Variants in SYNE1 observed in about 807,000 individuals in gnomAD.
SYNE1 encodes the protein nesprin-1.
Under a neutral mutation model 1,111.0 loss-of-function variants are expected in SYNE1, and 616 were observed. The ratio of observed to expected loss-of-function variants is 0.55; its 90% CI spans 0.52 to 0.59. The LOEUF (loss-of-function observed/expected upper bound fraction) is 0.59. SYNE1 is among the 20% of genes least tolerant of loss of function. SYNE1 has a pLI of 0.00. For missense variants in SYNE1, 10,006 were observed against 10,417.0 expected, an observed-to-expected ratio of 0.96 and a Z score of 1.72; for synonymous variants, 3,855 against 3,825.8, an observed-to-expected ratio of 1.01 and a Z score of -0.28.
intron 101 of SYNE1, among the ~76,000 whole-genome samples, chr6:152,257,405 C>T (rs766585841): frequency 4.7e-4 from 71 of 152,116 alleles, no homozygotes; most frequent in Non-Finnish European, 8.4e-4. Context: ...TGGTGGCATA[C>T]GCCTATAATC....
chr6:152,207,152 A>T (rs1236896340), intron 125 of SYNE1, among the ~76,000 whole-genome samples: 2 of 152,152 alleles, frequency 1.3e-5, no homozygotes, highest in Non-Finnish European at 2.9e-5. Flanking sequence ...GGGATGATAG[A>T]CAAGGAGAAG....
rs2083380560 is a variant in SYNE1, at chr6:152,233,949, T to C, written c.20544A>G (p.Glu6848=). The part of the protein sequence containing the change: ...HLNAFLEFSK[E]VDAQSSLKSS... ...ATTTCAGGGAAGATTGGGCATCCAC[T>C]TCTTTAGAAAACTCCTGAAACAAGT... Residue 6848 remains glutamate, a synonymous_variant, in exon 112 of 146, where the codon GAA becomes GAG. Transcript: ENST00000367255. 6.2e-7 allele frequency: 1 copy of C among 1,614,172 alleles called. No individual in the cohort carries two copies. Among genetic ancestry groups the C allele is most frequent in the Non-Finnish European group, 8.5e-7 (1 of 1,180,034 alleles).
intron 3 of SYNE1, among the ~76,000 whole-genome samples, chr6:152,596,098 TAAAAAAAAAAAAAA>T (rs71017542): frequency 5.4e-5 from 1 of 18,590 alleles, no homozygotes; most frequent in Non-Finnish European, 1.0e-4. Flanking sequence ...AAGGGCAATC[TAAAAAAAAAAAAAA>T]AAAAAAAAAA....
Position 152,390,338 on chromosome 6 carries a change from A to G in SYNE1, c.8119T>C (p.Leu2707=), listed in dbSNP as rs781732368. 1.2e-6 allele frequency: 2 copies of G among 1,614,096 alleles called. No homozygotes were observed. Among genetic ancestry groups the G allele is most frequent in the South Asian group, 1.1e-5 (1 of 91,076 alleles). ...GCCCACACTTCTTTAAGGGTCTCTA[A>G]CTGAGTCTGAATCACCCTCTGACCT... ...KEGQRVIQTQ[L]ETLKEVWADI... Residue 2707 remains leucine, a synonymous_variant, in exon 53 of 146, where the codon TTA becomes CTA. Coordinates refer to ENST00000367255, the MANE Select transcript of SYNE1 (RefSeq NM_182961.4).
At position 152,143,663 on chromosome 6, in the gene SYNE1, G is replaced by C. The variant is rs1167713521; in HGVS notation, c.25079C>G (p.Thr8360Ser). 1 of 1,614,092 alleles carries C rather than the reference G, an allele frequency of 6.2e-7. No individual in the cohort carries two copies. Among genetic ancestry groups the C allele is most frequent in the African/African-American group, 1.3e-5 (1 of 74,928 alleles). ...GGTGTCTAGCTCCGGCCCCGTGGGA[G>C]TTTTGCTGCGAATGATATTTTCGGT... is the stretch of plus-strand genomic sequence containing the variant. ...QQTENIIRSK[T>S]PTGPELDTSY... Residue 8360 changes from threonine to serine, a missense_variant, in exon 138 of 146, where the codon ACT (threonine) becomes AGT (serine). Around this residue, in one of 7 missense-constraint regions of SYNE1, gnomAD observed 761 missense variants for 795.5 expected, o/e 0.96. Coordinates refer to ENST00000367255, the MANE Select transcript of SYNE1 (RefSeq NM_182961.4).
chr6:152,239,466 T>G (rs2085032046), intron 108 of SYNE1, 67 bp downstream of exon 108: 2 of 1,593,440 alleles, frequency 1.3e-6, no homozygotes, highest in Admixed American at 1.7e-5. Flanking sequence ...TAGATACATC[T>G]TGCATTAAAG....
At chr6:152,592,951 C>T (rs896162998) in intron 3 of SYNE1, among the ~76,000 whole-genome samples, 2 of 152,100 alleles carry the variant, frequency 1.3e-5, no homozygotes, top group African/African-American at 4.8e-5. Flanking sequence ...TGGGGCAGTT[C>T]CCACCTGAGC....
chr6:152,461,099 C>T (rs2098731457), intron 21 of SYNE1, among the ~76,000 whole-genome samples: 1 of 152,168 alleles, frequency 6.6e-6, no homozygotes, highest in African/African-American at 2.4e-5. Context: ...GCGTGAGCCA[C>T]TGCACCTGGC....
At chr6:152,139,916 T>C (rs780668219) in intron 140 of SYNE1, 34 bp downstream of exon 140, 48 of 594,684 alleles carry the variant, frequency 8.1e-5, no homozygotes, top group Non-Finnish European at 1.0e-4. Flanking sequence ...TGGCTCTCTG[T>C]TTGTCCGCCG....
chr6:152,634,465 TA>T (rs1442744454), intron 2 of SYNE1, among the ~76,000 whole-genome samples: 1 of 152,226 alleles, frequency 6.6e-6, no homozygotes, highest in Non-Finnish European at 1.5e-5. Context: ...TAAATTTAAT[TA>T]TTTTTTTCTC....
intron 112 of SYNE1, among the ~76,000 whole-genome samples, 165 bp downstream of exon 112, chr6:152,233,616 C>T (rs569515580): frequency 6.6e-6 from 1 of 152,176 alleles, no homozygotes; most frequent in Non-Finnish European, 1.5e-5. Flanking sequence ...CGAGCCACCG[C>T]GCCCGGCCAG....
chr6:152,407,124 T>G lies in SYNE1; in HGVS notation c.6613A>C (p.Thr2205Pro). The change falls in exon 45 of 146, where the codon ACT becomes CCT. Residue 2205 changes from threonine to proline, a missense_variant. This residue lies in a region of SYNE1 where 4,955 missense variants were observed against 5,017.2 expected (regional missense o/e 0.99). Transcript: ENST00000367255. ...GACCATCCCTCAATCTCATCTCTAG[T>G]TGACAGTACATCATCCCAAATGGAC... ...SLSIWDDVLS[T>P]RDEIEGWSNN... The G allele has an allele frequency of 6.2e-7, 1 of 1,614,032 alleles. No homozygotes were observed. Among genetic ancestry groups the G allele is most frequent in the Non-Finnish European group, 8.5e-7 (1 of 1,179,992 alleles).
rs372642719 is a variant in SYNE1 at position 152,156,979 on chromosome 6, C to T, written c.23791-882G>A. ...AGTAGCTGGGATTACAGGTACCCGC[C>T]ATCATGCCTGGCTGGTTTTTGTATT... On this transcript the variant is annotated intron_variant, in intron 131 of 145. Transcript: ENST00000367255. Among the ~76,000 whole-genome samples the T allele has an allele frequency of 5.9e-5, 9 of 152,120 alleles. No individual in the cohort carries two copies. The East Asian group carries it at 1.4e-3, about 23-fold the overall frequency.
At chr6:152,486,206 AT>A (rs34863171) in intron 12 of SYNE1, among the ~76,000 whole-genome samples, 29,903 of 151,100 alleles carry the variant, frequency 0.2, 3,109 homozygotes, top group Middle Eastern at 0.31. Context: ...ACTAAAAAAA[AT>A]ATTAAAAAAA....
chr6:152,390,387 C>A lies in SYNE1; in HGVS notation c.8070G>T (p.Gln2690His). The change falls in exon 53 of 146, where the codon CAG becomes CAT. Residue 2690 changes from glutamine to histidine, a missense_variant. Physicochemically the swap from Gln to His is conservative, Grantham distance 24. Coordinates refer to ENST00000367255, the MANE Select transcript of SYNE1 (RefSeq NM_182961.4). The stretch of plus-strand genomic sequence containing the variant: ...CTTCTTTGTTGCTACTTCTCAAGGC[C>A]TGTTCCCCCTTGCCAATGGCCATAT... ...KLNMAIGKGE[Q>H]ALRSSNKEGQ... The A allele has an allele frequency of 6.2e-7, 1 of 1,614,176 alleles. No homozygotes were observed. The highest frequency in any genetic ancestry group is 1.1e-5 in the South Asian group (1 of 91,088).
chr6:152,323,859 CAT>C (rs1440239500), intron 81 of SYNE1, 122 bp from the exon 82 acceptor site: 27 of 1,195,750 alleles, frequency 2.3e-5, no homozygotes, highest in South Asian at 1.1e-4. Context: ...ATAAATTCCA[CAT>C]GTTAGGAAAC....
At chr6:152,259,548 T>C (rs920817188) in intron 101 of SYNE1, among the ~76,000 whole-genome samples, 1 of 152,160 alleles carries the variant, frequency 6.6e-6, no homozygotes, top group Non-Finnish European at 1.5e-5. Flanking sequence ...GAGGAGGGAC[T>C]TAGGTAACAG....
At position 152,472,354 on chromosome 6, in the gene SYNE1, C is replaced by A. The variant is rs758169226; in HGVS notation, c.1410G>T (p.Arg470Ser). The change falls in exon 15 of 146, where the codon AGG becomes AGT. Residue 470 changes from arginine (R) to serine (S), a missense_variant. Arg to Ser is a moderately radical substitution (Grantham distance 110). This residue lies in a region of SYNE1 where 1,971 missense variants were observed against 2,084.1 expected (regional missense o/e 0.95). Transcript: ENST00000367255. ...KRAFHEIYRTRSVNGIPVPPD... is the reference protein window; with the variant it reads ...KRAFHEIYRTSSVNGIPVPPD... ...GTGGCACTGGAATCCCGTTAACAGA[C>A]CTGGTCCGGTAGATTTCATGGAATG... The A allele has an allele frequency of 5.0e-6, 8 of 1,614,034 alleles. No individual in the cohort carries two copies. The highest frequency in any genetic ancestry group is 1.7e-4 in the Middle Eastern group (1 of 6,058).
intron 40 of SYNE1, among the ~76,000 whole-genome samples, chr6:152,417,457 C>T (rs1255894929): frequency 6.6e-6 from 1 of 152,070 alleles, no homozygotes; most frequent in African/African-American, 2.4e-5. Context: ...AAGATTGCAC[C>T]ACTGCACTCC....
Sources: allele counts gnomAD v4.1 joint callset (sites outside exome capture counted in the v4.1 genomes callset), GRCh38; gene constraint gnomAD v4.1.1; regional missense constraint gnomAD v4.1.1; transcripts MANE v1.5; gene names NCBI Gene and HGNC (gene_info 2026-07-23, HGNC 2026-07-21).